Variants in BMP2K observed in about 807,000 individuals in gnomAD.
BMP2K encodes BMP-2-inducible protein kinase.
Under a neutral mutation model 116.0 loss-of-function variants are expected in BMP2K, and 74 were observed. The ratio of observed to expected loss-of-function variants is 0.64; its 90% CI spans 0.53 to 0.77. BMP2K has a LOEUF of 0.77. BMP2K is among the 30% of genes least tolerant of loss of function. The pLI is 0.00. For missense variants in BMP2K, 1,365 were observed against 1,403.6 expected (o/e 0.97, Z 0.44); for synonymous variants, 486 against 502.5 (o/e 0.97, Z 0.44).
Position 78,912,383 on chromosome 4 carries a change from A to G in BMP2K, c.*350A>G, listed in dbSNP as rs1176777334. The G allele has an allele frequency of 1.0e-5, 2 of 194,032 alleles. No individual in the cohort carries two copies. Among genetic ancestry groups the G allele is most frequent in the Non-Finnish European group, 2.1e-5 (2 of 95,662 alleles). The allele number at this position is 194,032 out of a possible 1,614,324, so 12.0% of individuals were successfully genotyped here. A position where few individuals can be genotyped will look rare whatever the true frequency, so the allele number is the denominator to read the frequency against. On this transcript the variant is annotated 3_prime_UTR_variant, in exon 16 of 16. Coordinates refer to ENST00000502613, the MANE Select transcript of BMP2K (RefSeq NM_198892.2). Reference sequence around the variant, plus strand: ...GTGAAACTGTTATTTTTGATATCAGAATGTCATTTTTATGTGCATATCCCT... The same window carrying G: ...GTGAAACTGTTATTTTTGATATCAGGATGTCATTTTTATGTGCATATCCCT...
intron 1 of BMP2K, among the ~76,000 whole-genome samples, chr4:78,777,817 A>G (rs1727318136): frequency 6.6e-6 from 1 of 152,240 alleles, no homozygotes; most frequent in Admixed American, 6.5e-5. Context: ...CACAAGGGAA[A>G]AAACCTGAAG....
chr4:78,857,749 A>G (rs752463972), intron 7 of BMP2K, among the ~76,000 whole-genome samples: 1 of 152,132 alleles, frequency 6.6e-6, no homozygotes, highest in African/African-American at 2.4e-5. Flanking sequence ...AGCTATCTTT[A>G]GAAAGACTCA....
rs147799406 is a variant in BMP2K at position 78,868,445 on chromosome 4, A to G, written c.1232-2338A>G. ...TTGGGTGGGGACAAAGTCAAACCAT[A>G]TCATTCTACCCCTGACCCCTCCAAA... On this transcript the variant is annotated intron_variant, in intron 10 of 15. Transcript: ENST00000502613. Among the ~76,000 whole-genome samples, 854 of 152,292 alleles carry G rather than the reference A, an allele frequency of 5.6e-3. 11 individuals are homozygous for G. The highest frequency in any genetic ancestry group is 0.019 in the African/African-American group (809 of 41,560).
At chr4:78,848,396 T>G (rs1291726373) in intron 6 of BMP2K, among the ~76,000 whole-genome samples, 1 of 151,576 alleles carries the variant, frequency 6.6e-6, no homozygotes, top group Non-Finnish European at 1.5e-5. Flanking sequence ...GTTATTATAA[T>G]GTAGAAAGCA....
At chr4:78,795,748 CAAAA>C in intron 1 of BMP2K, among the ~76,000 whole-genome samples, 1 of 152,084 alleles carries the variant, frequency 6.6e-6, no homozygotes, top group Non-Finnish European at 1.5e-5. Context: ...AGACACTTCT[CAAAA>C]GAAGACATTT....
At chr4:78,843,712 T>C (rs1730868118) in intron 4 of BMP2K, among the ~76,000 whole-genome samples, 2 of 151,892 alleles carry the variant, frequency 1.3e-5, no homozygotes, top group African/African-American at 4.8e-5. Context: ...GGATAACCAG[T>C]GTAGTTCATG....
intron 15 of BMP2K, among the ~76,000 whole-genome samples, chr4:78,900,557 A>G (rs900517107): frequency 6.6e-6 from 1 of 152,224 alleles, no homozygotes; most frequent in African/African-American, 2.4e-5. Flanking sequence ...GGTTTGTGAT[A>G]GGGAATTAAG....
intron 1 of BMP2K, among the ~76,000 whole-genome samples, chr4:78,811,579 C>T (rs1729093321): frequency 6.6e-6 from 1 of 152,116 alleles, no homozygotes; most frequent in Admixed American, 6.5e-5. Context: ...CTTCTTCTTT[C>T]TGAATTTTAT....
At chr4:78,780,289 C>T (rs1727443422) in intron 1 of BMP2K, among the ~76,000 whole-genome samples, 1 of 152,002 alleles carries the variant, frequency 6.6e-6, no homozygotes, top group African/African-American at 2.4e-5. Flanking sequence ...GTTATGGGGG[C>T]TGGGTAGGAA....
At chr4:78,776,826 C>G in intron 1 of BMP2K, 105 bp downstream of exon 1, 1 of 1,058,070 alleles carries the variant, frequency 9.5e-7, no homozygotes, top group Non-Finnish European at 1.2e-6. Context: ...ATACCCCATT[C>G]TTCCTCTGCT....
Position 78,842,452 on chromosome 4 carries a change from G to T in BMP2K, c.471G>T (p.Gln157His), listed in dbSNP as rs1248606300. The stretch of plus-strand genomic sequence containing the variant: ...GTTTTACAGAACCAGAAGTGTTACA[G>T]ATATTCTGTGATACCTGTGAAGCTG... ...QTGFTEPEVL[Q>H]IFCDTCEAVA... Residue 157 changes from glutamine (Q) to histidine (H), a missense_variant, in exon 4 of 16, where the codon CAG becomes CAT. Physicochemically the swap from Gln to His is conservative, Grantham distance 24. This residue lies in a region of BMP2K where 762 missense variants were observed against 756.7 expected (regional missense o/e 1.01). Transcript: ENST00000502613. 3 of 1,608,756 alleles carry T rather than the reference G, an allele frequency of 1.9e-6. No homozygotes were observed. Among genetic ancestry groups the T allele is most frequent in the Non-Finnish European group, 1.7e-6 (2 of 1,176,318 alleles).
chr4:78,829,629 G>A (rs1252860126), intron 2 of BMP2K, among the ~76,000 whole-genome samples: 1 of 151,942 alleles, frequency 6.6e-6, no homozygotes, highest in South Asian at 2.1e-4. Context: ...CATCAGAGAA[G>A]TCATTATTTA....
chr4:78,881,586 T>C (rs1732886083), intron 14 of BMP2K, among the ~76,000 whole-genome samples: 1 of 152,268 alleles, frequency 6.6e-6, no homozygotes. Flanking sequence ...AACTGTAATA[T>C]TTAGTCATCT....
intron 4 of BMP2K, among the ~76,000 whole-genome samples, 170 bp from the exon 5 acceptor site, chr4:78,844,758 A>G (rs1014993021): frequency 6.6e-6 from 1 of 151,630 alleles, no homozygotes; most frequent in Admixed American, 6.6e-5. Flanking sequence ...GTGCACATAT[A>G]TGTATATATA....
intron 7 of BMP2K, among the ~76,000 whole-genome samples, chr4:78,851,633 G>A (rs1434572429): frequency 6.6e-6 from 1 of 152,062 alleles, no homozygotes; most frequent in Non-Finnish European, 1.5e-5. Flanking sequence ...AGAAAAGAGA[G>A]AAATAGAAAT....
Position 78,827,904 on chromosome 4 carries a change from A to G in BMP2K, c.297+1749A>G, listed in dbSNP as rs1240246136. Among the ~76,000 whole-genome samples the G allele has an allele frequency of 2.6e-5, 4 of 152,212 alleles. No homozygotes were observed. The South Asian group carries it at 6.2e-4, about 24-fold the overall frequency. On this transcript the variant is annotated intron_variant, in intron 2 of 15. Coordinates refer to ENST00000502613, the MANE Select transcript of BMP2K (RefSeq NM_198892.2). ...ACTTTGGAACTGTCGTCTGTAAACC[A>G]TGTCACTCCTTGTTGGTCAATTAAG...
intron 1 of BMP2K, among the ~76,000 whole-genome samples, chr4:78,803,252 T>C (rs1171458764): frequency 6.6e-6 from 1 of 152,178 alleles, no homozygotes; most frequent in East Asian, 1.9e-4. Flanking sequence ...ACCCCCCTCC[T>C]TTTTTGGTAA....
chr4:78,850,118 G>GA (rs1187365070), intron 6 of BMP2K, among the ~76,000 whole-genome samples: 1 of 151,498 alleles, frequency 6.6e-6, no homozygotes. Context: ...CACTTCTTGG[G>GA]AAAAAGTAAT....
chr4:78,833,609 G>A lies in BMP2K; in HGVS notation c.325G>A (p.Val109Met). 6.3e-7 allele frequency: 1 copy of A among 1,587,150 alleles called. No individual in the cohort carries two copies. The highest frequency in any genetic ancestry group is 8.5e-7 in the Non-Finnish European group (1 of 1,170,532). Reference sequence around the variant, plus strand: ...AGAGCTATCTGGTCACAAAAATATTGTGGGCTATTTGGACTGTGCTGTTAA... The same window carrying A: ...AGAGCTATCTGGTCACAAAAATATTATGGGCTATTTGGACTGTGCTGTTAA... ...MKELSGHKNI[V>M]GYLDCAVNSI... The change falls in exon 3 of 16, where the codon GTG (valine) becomes ATG (methionine). Residue 109 changes from valine (V) to methionine (M), a missense_variant. Physicochemically the swap from Val to Met is conservative, Grantham distance 21. Coordinates refer to ENST00000502613, the MANE Select transcript of BMP2K (RefSeq NM_198892.2).
Sources: gnomAD v4.1 joint callset for allele counts (sites outside exome capture counted in the v4.1 genomes callset) on GRCh38, gnomAD v4.1.1 for gene constraint, gnomAD v4.1.1 regional missense constraint, MANE v1.5 for transcripts, NCBI Gene and HGNC (gene_info 2026-07-23, HGNC 2026-07-21) for gene names.